Variants in RBFOX1 observed in about 807,000 individuals in gnomAD.
RBFOX1 encodes RNA binding protein fox-1 homolog 1.
In RBFOX1, 8 loss-of-function variants were observed where a neutral mutation model predicts 57.7. The ratio of observed to expected loss-of-function variants is 0.14; its 90% CI spans 0.08 to 0.25. The LOEUF is 0.25. Among genes scored for constraint, RBFOX1 ranks in the 10% least tolerant of loss-of-function variants. RBFOX1 has a pLI of 1.00. For missense variants in RBFOX1, 611 were observed against 548.5 expected, an observed-to-expected ratio of 1.11 and a Z score of -1.14; for synonymous variants, 326 against 222.4, an observed-to-expected ratio of 1.47 and a Z score of -4.15.
In RBFOX1 at chr16:5,947,723, T is replaced by A. The variant is rs1040160417; in HGVS notation, c.351+80388T>A. On this transcript the variant is annotated intron_variant, in intron 4 of 19. Coordinates refer to the RBFOX1 transcript ENST00000641259. The surrounding 1 kb of genome is among the most constrained non-coding windows in gnomAD (Gnocchi z 7.2). Reference sequence around the variant, plus strand: ...TGGGGTTAGGGATTTCTGCACCCTTTTTACTATGTCCAGGAACATTCTTAA... The same window carrying A: ...TGGGGTTAGGGATTTCTGCACCCTTATTACTATGTCCAGGAACATTCTTAA... 6.6e-6 allele frequency among the ~76,000 whole-genome samples: 1 copy of A among 152,192 alleles called. No homozygotes were observed. The highest frequency in any genetic ancestry group is 2.1e-4 in the South Asian group (1 of 4,830).
chr16:6,088,878 G>C (rs547471124), intron 1 of RBFOX1, among the ~76,000 whole-genome samples: 3 of 152,062 alleles, frequency 2.0e-5, no homozygotes, highest in East Asian at 3.9e-4. Context: ...GGGCATATCA[G>C]GAGGTCAGGA....
At position 6,532,518 on chromosome 16, in the gene RBFOX1, G is replaced by C. The variant is rs555171672; in HGVS notation, c.-63-122085G>C. Among the ~76,000 whole-genome samples, 86 of 152,268 alleles carry C rather than the reference G, an allele frequency of 5.6e-4. No homozygotes were observed. The Middle Eastern group carries it at 0.02, about 36-fold the overall frequency. On this transcript the variant is annotated intron_variant, in intron 2 of 15. Transcript: ENST00000550418. ...ATTAAACATTGTTTCTATTAGGGCT[G>C]TGCTCCTTCCTCTGTACCCTTTAAA...
chr16:5,275,051 G>T (rs766311487), intron 1 of RBFOX1, among the ~76,000 whole-genome samples: 1 of 152,184 alleles, frequency 6.6e-6, no homozygotes, highest in South Asian at 2.1e-4. Flanking sequence ...TGCTGCTCTT[G>T]CCTTCTGCTT....
intron 3 of RBFOX1, among the ~76,000 whole-genome samples, chr16:5,706,287 G>A (rs940483467): frequency 2.0e-5 from 3 of 152,166 alleles, no homozygotes; most frequent in African/African-American, 7.2e-5. Flanking sequence ...GAGGAATTTG[G>A]CCAGTTTAAA....
chr16:5,672,731 G>C (rs1375649547), intron 3 of RBFOX1, among the ~76,000 whole-genome samples: 1 of 151,700 alleles, frequency 6.6e-6, no homozygotes, highest in African/African-American at 2.4e-5. Context: ...AAAAACTTTA[G>C]CGGTTGTTGG....
chr16:7,266,476 C>T (rs946614940), intron 4 of RBFOX1, among the ~76,000 whole-genome samples: 3 of 152,218 alleles, frequency 2.0e-5, no homozygotes, highest in East Asian at 1.9e-4. Context: ...AATTAAACCT[C>T]TTTTGTTTAT....
In RBFOX1 at chr16:6,361,227, A is replaced by G. The variant is rs1241523122; in HGVS notation, c.-64+44170A>G. Among the ~76,000 whole-genome samples the G allele has an allele frequency of 2.0e-5, 3 of 152,192 alleles. No individual in the cohort carries two copies. In the East Asian group the frequency reaches 5.8e-4, roughly 29 times the overall value. The stretch of plus-strand genomic sequence containing the variant: ...CCAGTGTCGAGGAGAAGAAAGGCAC[A>G]GAGGAAAGATTCTGACACTTGAAGC... On this transcript the variant is annotated intron_variant, in intron 2 of 15. Transcript: ENST00000550418.
rs114513927 is a variant in RBFOX1 at position 7,066,015 on chromosome 16, A to C, written c.27+13917A>C. Among the ~76,000 whole-genome samples the C allele has an allele frequency of 9.8e-3, 1,490 of 152,290 alleles. 16 individuals carry two copies. Among genetic ancestry groups the C allele is most frequent in the African/African-American group, 0.034 (1,411 of 41,550 alleles). On this transcript the variant is annotated intron_variant, in intron 4 of 15. Transcript: ENST00000550418. ...ATAACAACAAAAAAAAACTATTACC[A>C]ATTGAAATGGTTTAATTCACTCCAA...
chr16:6,148,064 C>G (rs1001130434), intron 1 of RBFOX1, among the ~76,000 whole-genome samples: 1 of 152,166 alleles, frequency 6.6e-6, no homozygotes, highest in Non-Finnish European at 1.5e-5. Flanking sequence ...CACGGTGGCT[C>G]AAGCCTGTAA....
chr16:7,058,326 T>A (rs974793458), intron 4 of RBFOX1, among the ~76,000 whole-genome samples: 6 of 152,184 alleles, frequency 3.9e-5, no homozygotes, highest in Admixed American at 1.3e-4. Flanking sequence ...TAAGCTTTCT[T>A]TTTTAAGGGA....
At chr16:5,586,317 A>T (rs1351861234) in intron 2 of RBFOX1, among the ~76,000 whole-genome samples, 1 of 152,198 alleles carries the variant, frequency 6.6e-6, no homozygotes, top group Admixed American at 6.5e-5. Flanking sequence ...CGGCAGCCAC[A>T]GGGAACTAAA....
chr16:7,674,149 G>T (rs1274358644), intron 13 of RBFOX1, among the ~76,000 whole-genome samples: 1 of 152,124 alleles, frequency 6.6e-6, no homozygotes, highest in Non-Finnish European at 1.5e-5. Flanking sequence ...TCCCTAGTAT[G>T]AATTGCATAC....
chr16:7,411,134 C>T (rs1196000868), intron 4 of RBFOX1, among the ~76,000 whole-genome samples: 1 of 151,882 alleles, frequency 6.6e-6, no homozygotes, highest in African/African-American at 2.4e-5. Context: ...TTAGTAGAGA[C>T]GGGGTTTTGT....
intron 4 of RBFOX1, among the ~76,000 whole-genome samples, chr16:7,180,616 T>G (rs762392553): frequency 1.3e-5 from 2 of 152,070 alleles, no homozygotes; most frequent in Non-Finnish European, 2.9e-5. Context: ...GGTGAGATGG[T>G]TGCCTATGGT....
intron 1 of RBFOX1, among the ~76,000 whole-genome samples, chr16:6,310,046 C>A (rs571293760): frequency 1.6e-4 from 25 of 152,232 alleles, no homozygotes; most frequent in East Asian, 5.8e-4. Flanking sequence ...TGCCACCACG[C>A]CCAGCTAATT....
chr16:6,521,213 C>T (rs1458197113), intron 2 of RBFOX1, among the ~76,000 whole-genome samples: 1 of 151,960 alleles, frequency 6.6e-6, no homozygotes, highest in Non-Finnish European at 1.5e-5. Context: ...AGCAAATAGA[C>T]ATTATGACAG....
chr16:5,760,917 G>C (rs565401378), intron 3 of RBFOX1, among the ~76,000 whole-genome samples: 1 of 152,174 alleles, frequency 6.6e-6, no homozygotes, highest in Admixed American at 6.5e-5. Context: ...TAAGAGAGGT[G>C]GTTGCACAAC....
chr16:6,158,945 C>T (rs1026854205), intron 1 of RBFOX1, among the ~76,000 whole-genome samples: 7 of 151,760 alleles, frequency 4.6e-5, no homozygotes, highest in Non-Finnish European at 1.0e-4. Context: ...CTCTGTTGCC[C>T]AGGCTGGAGT....
At chr16:7,626,143 G>T (rs907644090) in intron 10 of RBFOX1, among the ~76,000 whole-genome samples, 5 of 152,224 alleles carry the variant, frequency 3.3e-5, no homozygotes, top group African/African-American at 9.6e-5. Context: ...CTCTGCAAAG[G>T]CATGGAGGTG....
Sources: gnomAD v4.1 joint callset for allele counts (sites outside exome capture counted in the v4.1 genomes callset) on GRCh38, gnomAD v4.1.1 for gene constraint, Gnocchi (gnomAD v3.1) non-coding constraint, MANE v1.5 for transcripts, NCBI Gene and HGNC (gene_info 2026-07-23, HGNC 2026-07-21) for gene names.